Variants in PRKCZ observed in about 807,000 individuals in gnomAD.
The protein encoded by PRKCZ is protein kinase C zeta.
A neutral mutation model predicts 79.5 loss-of-function variants in PRKCZ; 33 were observed. The observed-to-expected ratio is 0.41, with a 90% CI of 0.31 to 0.55. The LOEUF is 0.55. PRKCZ is among the 20% of genes least tolerant of loss of function. PRKCZ has a pLI of 0.19. For synonymous variants in PRKCZ, 342 were observed against 320.9 expected (o/e 1.07, Z -0.70); for missense variants, 578 against 813.5 (o/e 0.71, Z 3.52).
At chr1:2,166,677 C>A (rs370226321) in intron 10 of PRKCZ, among the ~76,000 whole-genome samples, 3 of 142,080 alleles carry the variant, frequency 2.1e-5, no homozygotes, top group South Asian at 2.1e-4. Context: ...CAGCCTCAGC[C>A]CCCCCCAGGC....
In PRKCZ at chr1:2,177,068, G is replaced by A. The variant is rs915193336; in HGVS notation, c.1575+1755G>A. Among the ~76,000 whole-genome samples, 3 of 152,168 alleles carry A rather than the reference G, an allele frequency of 2.0e-5. No individual in the cohort carries two copies. Among genetic ancestry groups the A allele is most frequent in the Non-Finnish European group, 4.4e-5 (3 of 68,030 alleles). ...GGTTCTAACTGTCAGTCATCCTCACGCCCAGGCCGGGGTTAGAGGTGGCGT... is the reference window on the plus strand; with the variant it reads ...GGTTCTAACTGTCAGTCATCCTCACACCCAGGCCGGGGTTAGAGGTGGCGT... On this transcript the variant is annotated intron_variant, in intron 16 of 17. Coordinates refer to ENST00000378567, the MANE Select transcript of PRKCZ (RefSeq NM_002744.6). This position sits in a 1 kb window ranked among gnomAD's most constrained non-coding sequence, Gnocchi z 6.4.
intron 5 of PRKCZ, among the ~76,000 whole-genome samples, chr1:2,135,694 A>G (rs751067144): frequency 6.6e-6 from 1 of 152,196 alleles, no homozygotes; most frequent in Non-Finnish European, 1.5e-5. Flanking sequence ...ATGTAGCGCC[A>G]GGGTGTGTGT....
intron 4 of PRKCZ, among the ~76,000 whole-genome samples, chr1:2,105,601 T>C (rs1668254826): frequency 1.3e-5 from 2 of 152,168 alleles, no homozygotes; most frequent in Non-Finnish European, 2.9e-5. Context: ...GGTTTCACCA[T>C]GTTGGCCAGG....
At chr1:2,156,318 G>GA (rs1681038214) in intron 10 of PRKCZ, 2 of 444,320 alleles carry the variant, frequency 4.5e-6, no homozygotes, top group South Asian at 4.3e-5. Flanking sequence ...ATACTTACTG[G>GA]AGGTATCCCA....
At chr1:2,086,083 A>T (rs935324863) in intron 4 of PRKCZ, among the ~76,000 whole-genome samples, 3 of 143,868 alleles carry the variant, frequency 2.1e-5, no homozygotes, top group African/African-American at 7.9e-5. Context: ...TTAAATTGAG[A>T]CGGAGTCTTG....
At chr1:2,057,426 G>A (rs977774289) in intron 3 of PRKCZ, among the ~76,000 whole-genome samples, 2 of 152,346 alleles carry the variant, frequency 1.3e-5, no homozygotes, top group South Asian at 2.1e-4. Context: ...CTTGCCAGGC[G>A]TCTGGCCATG....
In PRKCZ at chr1:2,091,286, C is replaced by G. The variant is rs1015308636; in HGVS notation, c.334+31695C>G. On this transcript the variant is annotated intron_variant, in intron 4 of 17. Coordinates refer to ENST00000378567, the MANE Select transcript of PRKCZ (RefSeq NM_002744.6). ...TCCTGACCTCAGGTGATCTGCCCGTCTTGGCCTCCCAAAGTGCTGGGATTA... is the reference window on the plus strand; with the variant it reads ...TCCTGACCTCAGGTGATCTGCCCGTGTTGGCCTCCCAAAGTGCTGGGATTA... Among the ~76,000 whole-genome samples, 6 of 152,224 alleles carry G rather than the reference C, an allele frequency of 3.9e-5. No homozygotes were observed. The South Asian group carries it at 1.0e-3, about 26-fold the overall frequency.
At chr1:2,121,418 G>A (rs748709089) in intron 4 of PRKCZ, among the ~76,000 whole-genome samples, 19 of 142,258 alleles carry the variant, frequency 1.3e-4, no homozygotes, top group Non-Finnish European at 2.5e-4. Flanking sequence ...GTTTGGAGAC[G>A]AAGCCTTTGA....
At chr1:2,072,259 C>T (rs540230709) in intron 4 of PRKCZ, among the ~76,000 whole-genome samples, 202 of 152,336 alleles carry the variant, frequency 1.3e-3, no homozygotes, top group Non-Finnish European at 2.6e-3. Context: ...GGCTCTGGCC[C>T]GGAGTCCACT....
At chr1:2,112,000 C>T (rs1187928357) in intron 4 of PRKCZ, among the ~76,000 whole-genome samples, 10 of 152,212 alleles carry the variant, frequency 6.6e-5, no homozygotes, top group Non-Finnish European at 1.0e-4. Context: ...TCACCTTAGT[C>T]GTCTTCGAGG....
At chr1:2,085,979 C>A (rs1405747762) in intron 4 of PRKCZ, among the ~76,000 whole-genome samples, 2 of 152,068 alleles carry the variant, frequency 1.3e-5, no homozygotes, top group African/African-American at 4.8e-5. Flanking sequence ...GCTGTGTCTT[C>A]TCCCCTCCCT....
At chr1:2,118,214 C>T (rs906182178) in intron 4 of PRKCZ, among the ~76,000 whole-genome samples, 5 of 151,672 alleles carry the variant, frequency 3.3e-5, no homozygotes, top group Admixed American at 3.3e-4. Flanking sequence ...CCAAGCTGGT[C>T]TTGAACCCCT....
intron 4 of PRKCZ, among the ~76,000 whole-genome samples, chr1:2,102,702 C>T (rs543342433): frequency 4.5e-4 from 69 of 152,072 alleles, no homozygotes; most frequent in Non-Finnish European, 8.8e-4. Flanking sequence ...TTTTTTTCTC[C>T]ACTTTATTTC....
chr1:2,135,391 T>TG, intron 5 of PRKCZ, 44 bp downstream of exon 5: 1 of 1,522,400 alleles, frequency 6.6e-7, no homozygotes, highest in African/African-American at 1.4e-5. Flanking sequence ...GGCCTTTTGT[T>TG]ACTTTTAAAA....
At position 2,086,702 on chromosome 1, in the gene PRKCZ, G is replaced by A. The variant is rs568019500; in HGVS notation, c.334+27111G>A. ...GTGCCCGGTGGGCGGTGGGCCAGGGGCTGCATGGGGATTCGATGTGCAGTT... is the reference window on the plus strand; with the variant it reads ...GTGCCCGGTGGGCGGTGGGCCAGGGACTGCATGGGGATTCGATGTGCAGTT... On this transcript the variant is annotated intron_variant, in intron 4 of 17. Coordinates refer to ENST00000378567, the MANE Select transcript of PRKCZ (RefSeq NM_002744.6). Among the ~76,000 whole-genome samples the A allele has an allele frequency of 6.6e-5, 10 of 152,172 alleles. No homozygotes were observed. In the South Asian group the frequency reaches 1.9e-3, roughly 28 times the overall value.
rs147033679 is a variant in PRKCZ, at chr1:2,172,102, G to T, written c.1109G>T (p.Arg370Met). 2 of 1,613,448 alleles carry T rather than the reference G, an allele frequency of 1.2e-6. No homozygotes were observed. The highest frequency in any genetic ancestry group is 1.7e-6 in the Non-Finnish European group (2 of 1,179,922). ...ICIALNFLHERGIIYRDLKLD... is the reference protein window; with the variant it reads ...ICIALNFLHEMGIIYRDLKLD... ...ATCGCCCTCAACTTCCTGCACGAGAGGGGGATCATCTACAGGGACCTGAAG... is the reference window on the plus strand; with the variant it reads ...ATCGCCCTCAACTTCCTGCACGAGATGGGGATCATCTACAGGGACCTGAAG... The change falls in exon 12 of 18, where the codon AGG (arginine) becomes ATG (methionine). Residue 370 changes from arginine (R) to methionine (M), a missense_variant. Transcript: ENST00000378567. The surrounding 1 kb of genome is among the most constrained non-coding windows in gnomAD (Gnocchi z 7.8).
intron 4 of PRKCZ, among the ~76,000 whole-genome samples, chr1:2,118,754 T>TGTGTGTGTGA (rs1440503754): frequency 1.5e-5 from 2 of 135,964 alleles, no homozygotes; most frequent in East Asian, 2.0e-4. Flanking sequence ...TGTGTGTGTG[T>TGTGTGTGTGA]GAGATGAGGG....
chr1:2,132,681 AGCCACGG>A (rs1675234171), intron 4 of PRKCZ, among the ~76,000 whole-genome samples: 1 of 152,176 alleles, frequency 6.6e-6, no homozygotes, highest in Non-Finnish European at 1.5e-5. Flanking sequence ...CAGCATCCCT[AGCCACGG>A]GCCCTTTGTC....
chr1:2,111,026 AC>A (rs1167386530), intron 4 of PRKCZ, among the ~76,000 whole-genome samples: 2 of 152,068 alleles, frequency 1.3e-5, no homozygotes, highest in Non-Finnish European at 2.9e-5. Context: ...TGAGGGCGGG[AC>A]CCAGGCCAGT....
Sources: allele counts gnomAD v4.1 joint callset (sites outside exome capture counted in the v4.1 genomes callset), GRCh38; gene constraint gnomAD v4.1.1; non-coding constraint Gnocchi (gnomAD v3.1); transcripts MANE v1.5; gene names NCBI Gene and HGNC (gene_info 2026-07-23, HGNC 2026-07-21).